Variants in SIPA1L3 observed in about 807,000 individuals in gnomAD.
SIPA1L3 encodes signal-induced proliferation-associated 1-like protein 3.
Under a neutral mutation model 150.1 loss-of-function variants are expected in SIPA1L3, and 59 were observed. The observed-to-expected ratio is 0.39, with a 90% CI of 0.32 to 0.49. SIPA1L3 has a LOEUF of 0.49. Among genes scored for constraint, SIPA1L3 ranks in the 20% least tolerant of loss-of-function variants. The probability of loss-of-function intolerance (pLI) is 0.86; values close to 1 mark genes in which losing one functional copy is unlikely to be tolerated. For synonymous variants in SIPA1L3, 1,070 were observed against 1,077.6 expected, an observed-to-expected ratio of 0.99 and a Z score of 0.14; for missense variants, 2,211 against 2,489.5, an observed-to-expected ratio of 0.89 and a Z score of 2.38.
chr19:38,152,025 C>G (rs56140434), intron 12 of SIPA1L3, among the ~76,000 whole-genome samples: 10,143 of 150,504 alleles, frequency 0.067, 1,036 homozygotes, highest in African/African-American at 0.21. Flanking sequence ...TGAGAGCCTT[C>G]TACCACCACC....
At chr19:38,200,988 G>A (rs1210218234) in intron 19 of SIPA1L3, 1 of 152,270 alleles carries the variant, frequency 6.6e-6, no homozygotes, top group Non-Finnish European at 1.5e-5. Context: ...GGGAAAGAGT[G>A]CTGGGGTTTT....
intron 3 of SIPA1L3, among the ~76,000 whole-genome samples, chr19:38,085,866 G>C (rs567337938): frequency 1.3e-5 from 2 of 152,168 alleles, no homozygotes; most frequent in African/African-American, 4.8e-5. Flanking sequence ...CGTGGTGGCG[G>C]GTGCCTGTAA....
In SIPA1L3 at chr19:38,022,146, T is replaced by TG. The variant is rs1968385472; in HGVS notation, c.-378-6942dup. 3.3e-5 allele frequency among the ~76,000 whole-genome samples: 5 copies of TG among 152,334 alleles called. No individual in the cohort carries two copies. In the South Asian group the frequency reaches 1.0e-3, roughly 32 times the overall value. On this transcript the variant is annotated intron_variant, in intron 1 of 21. Coordinates refer to ENST00000222345, the MANE Select transcript of SIPA1L3 (RefSeq NM_015073.3). ...ATCCCTCCTGGCTGTGCCGTCTACTTGCTGTGTGATCTTGGGCAAGGTACC... is the reference window on the plus strand; with the variant it reads ...ATCCCTCCTGGCTGTGCCGTCTACTTGGCTGTGTGATCTTGGGCAAGGTACC...
intron 1 of SIPA1L3, among the ~76,000 whole-genome samples, chr19:37,959,800 G>GGGTTTTAA (rs1302112799): frequency 4.9e-5 from 7 of 143,254 alleles, no homozygotes; most frequent in African/African-American, 1.8e-4. Flanking sequence ...TTATTTTGTT[G>GGGTTTTAA]GGTTTTAAAA....
At chr19:38,117,558 G>A (rs1555788596) in intron 8 of SIPA1L3, among the ~76,000 whole-genome samples, 1 of 151,866 alleles carries the variant, frequency 6.6e-6, no homozygotes, top group Non-Finnish European at 1.5e-5. Context: ...GGCGGAGGTT[G>A]TGGTGAGCCG....
intron 14 of SIPA1L3, 80 bp downstream of exon 14, chr19:38,162,451 AT>A (rs1192192626): frequency 9.7e-7 from 1 of 1,028,888 alleles, no homozygotes; most frequent in African/African-American, 1.6e-5. Context: ...ACTTGAGCAC[AT>A]CCTCAACCTC....
At chr19:38,002,413 T>TA (rs1409769831) in intron 1 of SIPA1L3, among the ~76,000 whole-genome samples, 4 of 152,142 alleles carry the variant, frequency 2.6e-5, no homozygotes, top group Non-Finnish European at 4.4e-5. Flanking sequence ...AATTCATATT[T>TA]AAGGCTAAAT....
At chr19:38,151,670 A>G (rs1166501931) in intron 12 of SIPA1L3, among the ~76,000 whole-genome samples, 1 of 152,160 alleles carries the variant, frequency 6.6e-6, no homozygotes, top group Non-Finnish European at 1.5e-5. Context: ...GGTTGTAGAC[A>G]GGGCCACTGG....
intron 8 of SIPA1L3, among the ~76,000 whole-genome samples, chr19:38,111,101 GCAGCCTTGACCCC>G (rs1209054485): frequency 6.6e-6 from 1 of 150,982 alleles, no homozygotes; most frequent in Non-Finnish European, 1.5e-5. Flanking sequence ...ATAGCTCACT[GCAGCCTTGACCCC>G]CCCGGGCTCA....
intron 1 of SIPA1L3, among the ~76,000 whole-genome samples, chr19:37,966,265 C>T (rs2046903156): frequency 6.6e-6 from 1 of 152,204 alleles, no homozygotes. Flanking sequence ...TTCCGTCCTT[C>T]CCAGCTTGCC....
intron 18 of SIPA1L3, among the ~76,000 whole-genome samples, chr19:38,198,075 C>T (rs761618147): frequency 2.4e-4 from 36 of 152,200 alleles, no homozygotes; most frequent in Non-Finnish European, 3.8e-4. Flanking sequence ...CTTAAACCTT[C>T]CAGGCACACT....
intron 7 of SIPA1L3, among the ~76,000 whole-genome samples, chr19:38,106,931 G>T (rs932078838): frequency 1.2e-4 from 17 of 144,658 alleles, no homozygotes; most frequent in Admixed American, 1.1e-3. Context: ...GAGTGAATCA[G>T]TCAACATTAT....
intron 1 of SIPA1L3, among the ~76,000 whole-genome samples, chr19:38,012,743 G>T (rs1968134200): frequency 6.6e-6 from 1 of 152,028 alleles, no homozygotes; most frequent in Non-Finnish European, 1.5e-5. Flanking sequence ...CATCACATTG[G>T]ATATCCTGCC....
At chr19:38,048,821 TG>T (rs1969119336) in intron 2 of SIPA1L3, among the ~76,000 whole-genome samples, 1 of 152,118 alleles carries the variant, frequency 6.6e-6, no homozygotes, top group Non-Finnish European at 1.5e-5. Context: ...CTGGGCGCGG[TG>T]GCTCACACCT....
chr19:37,982,517 G>A (rs11670749), intron 1 of SIPA1L3, among the ~76,000 whole-genome samples: 9,421 of 152,252 alleles, frequency 0.062, 384 homozygotes, highest in Non-Finnish European at 0.091. Flanking sequence ...AGCCCTATGA[G>A]GTGGGACAGT....
At chr19:37,989,012 C>G (rs1009567957) in intron 1 of SIPA1L3, among the ~76,000 whole-genome samples, 1 of 152,188 alleles carries the variant, frequency 6.6e-6, no homozygotes, top group Non-Finnish European at 1.5e-5. Flanking sequence ...ATTCCTCTCC[C>G]CTTCTCATGC....
chr19:38,035,588 GC>G (rs1968763132), intron 2 of SIPA1L3, among the ~76,000 whole-genome samples: 1 of 152,192 alleles, frequency 6.6e-6, no homozygotes, highest in Non-Finnish European at 1.5e-5. Context: ...CCCGTGACTA[GC>G]CCTAAATGGG....
intron 12 of SIPA1L3, among the ~76,000 whole-genome samples, chr19:38,145,596 C>T (rs1177824535): frequency 6.6e-6 from 1 of 151,836 alleles, no homozygotes; most frequent in Non-Finnish European, 1.5e-5. Context: ...TTCACGCAGC[C>T]TCCCCTATTG....
chr19:38,096,717 G>C (rs1970388162), intron 4 of SIPA1L3, among the ~76,000 whole-genome samples: 1 of 152,212 alleles, frequency 6.6e-6, no homozygotes, highest in South Asian at 2.1e-4. Context: ...TGGTATTAGT[G>C]AGGATGTGGA....
Sources: gnomAD v4.1 joint callset for allele counts (sites outside exome capture counted in the v4.1 genomes callset) on GRCh38, gnomAD v4.1.1 for gene constraint, MANE v1.5 for transcripts, NCBI Gene and HGNC (gene_info 2026-07-23, HGNC 2026-07-21) for gene names.